Variants in ACTR3C observed in about 807,000 individuals in gnomAD.
ACTR3C encodes actin-related protein 3C.
In ACTR3C, 18 loss-of-function variants were observed where a neutral mutation model predicts 26.3. The observed-to-expected ratio is 0.68, with a 90% CI of 0.47 to 1.01. The LOEUF (loss-of-function observed/expected upper bound fraction) is 1.01. Among genes scored for constraint, ACTR3C ranks in the 50% least tolerant of loss-of-function variants. The pLI is 0.00. For synonymous variants in ACTR3C, 55 were observed against 94.5 expected, an observed-to-expected ratio of 0.58 and a Z score of 2.42; for missense variants, 184 against 250.7, an observed-to-expected ratio of 0.73 and a Z score of 1.80.
the ACTR3C span, among the ~76,000 whole-genome samples, chr7:150,235,651 G>A: frequency 1.3e-5 from 2 of 152,284 alleles, no homozygotes; most frequent in African/African-American, 4.8e-5. Flanking sequence ...GCAGCCTCAC[G>A]TCGTTGGGTT....
the ACTR3C span, among the ~76,000 whole-genome samples, chr7:150,125,219 C>T: frequency 4.7e-5 from 7 of 148,778 alleles, no homozygotes; most frequent in African/African-American, 1.7e-4. Context: ...ACTTACTCTA[C>T]CAAGTTAAAA....
At chr7:150,100,127 A>C in the ACTR3C span, among the ~76,000 whole-genome samples, 1 of 151,600 alleles carries the variant, frequency 6.6e-6, no homozygotes, top group African/African-American at 2.4e-5. Flanking sequence ...GCTGGTGCCA[A>C]CTTGCCAGCT....
chr7:149,931,617 A>G, the ACTR3C span, among the ~76,000 whole-genome samples: 6 of 152,340 alleles, frequency 3.9e-5, no homozygotes, highest in South Asian at 1.2e-3. Flanking sequence ...AATCTAAAAT[A>G]GAGAATGAAA....
the ACTR3C span, among the ~76,000 whole-genome samples, chr7:150,034,075 G>T: frequency 6.6e-6 from 1 of 151,472 alleles, no homozygotes; most frequent in Non-Finnish European, 1.5e-5. Context: ...CCTCGCGGGG[G>T]GTGCCTCCCA....
chr7:150,039,155 G>A, the ACTR3C span, among the ~76,000 whole-genome samples: 14 of 151,124 alleles, frequency 9.3e-5, no homozygotes, highest in African/African-American at 2.7e-4. Flanking sequence ...AAGCCGGTGG[G>A]GGAAGAGGGT....
the ACTR3C span, among the ~76,000 whole-genome samples, chr7:149,896,142 G>A: frequency 4.0e-5 from 6 of 151,428 alleles, no homozygotes; most frequent in East Asian, 1.9e-4. Context: ...CCATGATCAC[G>A]CCACCACACT....
chr7:149,895,638 C>T, the ACTR3C span, among the ~76,000 whole-genome samples: 12,577 of 151,982 alleles, frequency 0.083, 742 homozygotes, highest in African/African-American at 0.16. Context: ...AGTTTCAGAA[C>T]AGCCTGGGAA....
At chr7:150,024,065 C>A in the ACTR3C span, among the ~76,000 whole-genome samples, 1 of 150,932 alleles carries the variant, frequency 6.6e-6, no homozygotes, top group South Asian at 2.1e-4. Context: ...AGACAGAGGA[C>A]CATGGAAGGC....
chr7:150,042,148 C>T, the ACTR3C span, among the ~76,000 whole-genome samples: 1 of 19,682 alleles, frequency 5.1e-5, no homozygotes, highest in African/African-American at 3.4e-4. Context: ...AGTGGGGGAA[C>T]CAGGGGCTGG....
chr7:149,914,831 C>T, the ACTR3C span, among the ~76,000 whole-genome samples: 5 of 150,822 alleles, frequency 3.3e-5, no homozygotes, highest in Admixed American at 6.6e-5. Flanking sequence ...TCAAAAAGAA[C>T]AGAGTAAAGG....
At chr7:150,205,552 C>G in the ACTR3C span, among the ~76,000 whole-genome samples, 1 of 150,190 alleles carries the variant, frequency 6.7e-6, no homozygotes, top group Admixed American at 6.6e-5. Context: ...CATTAGTAAA[C>G]CCAGAAGATT....
At chr7:150,300,878 T>C (rs1424181357) in intron 1 of ACTR3C, among the ~76,000 whole-genome samples, 1 of 151,994 alleles carries the variant, frequency 6.6e-6, no homozygotes. Flanking sequence ...CAGTTAGAAG[T>C]ATAAATGTTA....
the ACTR3C span, among the ~76,000 whole-genome samples, chr7:150,100,905 A>G: frequency 6.6e-6 from 1 of 151,386 alleles, no homozygotes; most frequent in Non-Finnish European, 1.5e-5. Flanking sequence ...GCATCTCACC[A>G]TGTTGCCCAG....
chr7:150,032,815 C>G, the ACTR3C span, among the ~76,000 whole-genome samples: 3 of 151,822 alleles, frequency 2.0e-5, no homozygotes, highest in South Asian at 6.3e-4. Flanking sequence ...CTCTGTAGGT[C>G]GTCGTGGAAT....
the ACTR3C span, among the ~76,000 whole-genome samples, chr7:150,147,087 T>C: frequency 1.3e-5 from 2 of 152,214 alleles, no homozygotes; most frequent in Admixed American, 6.5e-5. Context: ...ATTGACTTTC[T>C]GTTCCAAAAT....
At chr7:150,279,192 CT>C (rs1241077625) in intron 6 of ACTR3C, among the ~76,000 whole-genome samples, 2 of 152,072 alleles carry the variant, frequency 1.3e-5, no homozygotes, top group African/African-American at 4.8e-5. Context: ...GTAGTTCCAG[CT>C]ACTTGAGGGG....
intron 6 of ACTR3C, among the ~76,000 whole-genome samples, chr7:150,262,391 T>C (rs1437945677): frequency 6.6e-6 from 1 of 152,302 alleles, no homozygotes; most frequent in African/African-American, 2.4e-5. Context: ...GGGAAAATGT[T>C]GAAAATAGAA....
At chr7:150,227,956 G>A in the ACTR3C span, among the ~76,000 whole-genome samples, 1 of 151,968 alleles carries the variant, frequency 6.6e-6, no homozygotes, top group Non-Finnish European at 1.5e-5. Flanking sequence ...TTCTTCGGTA[G>A]TGTATTGACT....
the ACTR3C span, among the ~76,000 whole-genome samples, chr7:150,153,163 C>A: frequency 1.5e-4 from 23 of 152,102 alleles, no homozygotes; most frequent in Admixed American, 1.2e-3. Flanking sequence ...TAGGCATGGG[C>A]GAGGACTTCA....
Sources: allele counts gnomAD v4.1 joint callset (sites outside exome capture counted in the v4.1 genomes callset), GRCh38; gene constraint gnomAD v4.1.1; transcripts MANE v1.5; gene names NCBI Gene and HGNC (gene_info 2026-07-23, HGNC 2026-07-21).